OSBPL10: variants seen among roughly 807,000 people sequenced by gnomAD.
OSBPL10 encodes oxysterol-binding protein-related protein 10.
OSBPL10 carries 49 observed loss-of-function variants against 81.7 expected under a neutral mutation model. The ratio of observed to expected loss-of-function variants is 0.60; its 90% confidence interval spans 0.48 to 0.76. OSBPL10 has a LOEUF of 0.76. Ranked by LOEUF, OSBPL10 falls within the 30% of genes least tolerant of loss-of-function variation. OSBPL10 has a pLI of 0.00. For synonymous variants in OSBPL10, 419 were observed against 383.6 expected (o/e 1.09, Z -1.08); for missense variants, 923 against 987.8 (o/e 0.93, Z 0.88).
At chr3:31,683,558 C>T in intron 8 of OSBPL10, 76 bp downstream of exon 8, 8 of 1,525,118 alleles carry the variant, frequency 5.2e-6, no homozygotes, top group Non-Finnish European at 7.0e-6. Flanking sequence ...ACTCCACACA[C>T]AAAATTATCA....
chr3:32,038,199 T>A (rs948356298), intron 2 of OSBPL10, among the ~76,000 whole-genome samples: 1 of 152,072 alleles, frequency 6.6e-6, no homozygotes, highest in Non-Finnish European at 1.5e-5. Context: ...ACCTGCTGCA[T>A]ACAATACATG....
intron 3 of OSBPL10, among the ~76,000 whole-genome samples, chr3:31,864,788 G>C (rs1201779927): frequency 6.6e-6 from 1 of 152,176 alleles, no homozygotes; most frequent in African/African-American, 2.4e-5. Flanking sequence ...TAGGAAGTTT[G>C]GTGCCACTAA....
chr3:31,840,474 A>G (rs1476286615), intron 3 of OSBPL10, among the ~76,000 whole-genome samples: 1 of 152,244 alleles, frequency 6.6e-6, no homozygotes. Flanking sequence ...CAACATGCCC[A>G]AGCGGCGTGC....
rs757748683 is a variant in OSBPL10 at position 31,937,278 on chromosome 3, C to CAAAA, written c.281+43617_281+43620dup. ...AGCCTGGGCAAGAGACACTCAGGCT[C>CAAAA]AAAAAAAAAAAAAAAGAAAGAAAGT... is the stretch of plus-strand genomic sequence containing the variant. On this transcript the variant is annotated intron_variant, in intron 1 of 11. Transcript: ENST00000396556. Among the ~76,000 whole-genome samples, 168 of 89,130 alleles carry CAAAA rather than the reference C, an allele frequency of 1.9e-3. No individual in the cohort carries two copies. In the Middle Eastern group the frequency reaches 0.063, roughly 34 times the overall value. 58.5% of individuals were successfully genotyped at this position (89,130 alleles called of 152,430 possible).
At chr3:31,801,875 T>C (rs951091870) in intron 4 of OSBPL10, among the ~76,000 whole-genome samples, 3 of 151,936 alleles carry the variant, frequency 2.0e-5, no homozygotes, top group Non-Finnish European at 2.9e-5. Flanking sequence ...CAGGCTGAAG[T>C]GCAATGGCAC....
In OSBPL10 at chr3:31,813,444, TTTTG is replaced by T. The variant is rs199814835; in HGVS notation, c.729+16592_729+16595del. Among the ~76,000 whole-genome samples, 1,067 of 152,316 alleles carry T rather than the reference TTTTG, an allele frequency of 7.0e-3. 21 individuals are homozygous for T. The highest frequency in any genetic ancestry group is 0.024 in the African/African-American group (1,002 of 41,564). On this transcript the variant is annotated intron_variant, in intron 4 of 11. Transcript: ENST00000396556. ...GCTCATGCAGAGGCAGTTTTGGTTT[TTTTG>T]TTTGTTTGTTTTGTCTATAAAATGA...
intron 3 of OSBPL10, among the ~76,000 whole-genome samples, chr3:31,873,283 C>T (rs1273958539): frequency 2.0e-5 from 3 of 151,992 alleles, no homozygotes; most frequent in Non-Finnish European, 4.4e-5. Flanking sequence ...ATATTTTAAC[C>T]ATCCAAAAGC....
chr3:32,043,818 A>G (rs1262674467), intron 2 of OSBPL10, among the ~76,000 whole-genome samples: 1 of 152,248 alleles, frequency 6.6e-6, no homozygotes, highest in African/African-American at 2.4e-5. Context: ...AGGAACAGAA[A>G]ACGAAATACC....
In OSBPL10 at chr3:31,873,049, GT is replaced by G. The variant is rs548778206; in HGVS notation, c.537+3383del. Among the ~76,000 whole-genome samples, 7 of 152,282 alleles carry G rather than the reference GT, an allele frequency of 4.6e-5. No individual in the cohort carries two copies. In the East Asian group the frequency reaches 9.7e-4, roughly 21 times the overall value. ...ATCAGCAGTTGCCAGTTGCAGAGGG[GT>G]CAGCGAGGAGATTGATCATAAAGGG... On this transcript the variant is annotated intron_variant, in intron 3 of 11. Coordinates refer to ENST00000396556, the MANE Select transcript of OSBPL10 (RefSeq NM_017784.5).
intron 1 of OSBPL10, among the ~76,000 whole-genome samples, chr3:31,915,894 G>A (rs983271482): frequency 3.1e-4 from 47 of 152,084 alleles, no homozygotes; most frequent in Admixed American, 3.0e-3. Context: ...AGGAGTTCAA[G>A]ACCAGCCTGA....
At position 31,812,712 on chromosome 3, in the gene OSBPL10, CAAAAA is replaced by C. The variant is rs563030191; in HGVS notation, c.729+17323_729+17327del. Reference sequence around the variant, plus strand: ...TATGCTGGAATCTCTACACAGTAGGCAAAAAAAAAGAAAGAAAGAAAGAAAGAAAG... The same window carrying C: ...TATGCTGGAATCTCTACACAGTAGGCAAAAGAAAGAAAGAAAGAAAGAAAG... On this transcript the variant is annotated intron_variant, in intron 4 of 11. Coordinates refer to ENST00000396556, the MANE Select transcript of OSBPL10 (RefSeq NM_017784.5). Among the ~76,000 whole-genome samples, 16 of 34,216 alleles carry C rather than the reference CAAAAA, an allele frequency of 4.7e-4. 1 individual carries two copies. The highest frequency in any genetic ancestry group is 4.0e-3 in the East Asian group (7 of 1,742). The allele number at this position is 34,216 out of a possible 152,430, so 22.4% of individuals were successfully genotyped here.
chr3:31,895,298 AT>A lies in OSBPL10; in HGVS notation c.282-15469del, dbSNP rs560332393. 8.0e-4 allele frequency among the ~76,000 whole-genome samples: 116 copies of A among 144,828 alleles called. No homozygotes were observed. In the South Asian group the frequency reaches 9.0e-3, roughly 11 times the overall value. Reference sequence around the variant, plus strand: ...AGGCACCCGTCACCACGCCCGGCTAATTTTTTTTTTTGTATTTTTAGTAGAG... The same window carrying A: ...AGGCACCCGTCACCACGCCCGGCTAATTTTTTTTTTGTATTTTTAGTAGAG... On this transcript the variant is annotated intron_variant, in intron 1 of 11. Coordinates refer to ENST00000396556, the MANE Select transcript of OSBPL10 (RefSeq NM_017784.5).
chr3:31,884,866 G>A (rs920905463), intron 1 of OSBPL10, among the ~76,000 whole-genome samples: 1 of 152,040 alleles, frequency 6.6e-6, no homozygotes, highest in Admixed American at 6.5e-5. Context: ...TGTACCCAGA[G>A]AGAACATACT....
rs878924118 is a variant in OSBPL10, at chr3:31,670,659, T to C, written c.1913+138A>G. ...TGCCATGTAAGGTAGGGAAAAGGCA[T>C]CTCTTTTGGAAAAGACCTTAACAAG... On this transcript the variant is annotated intron_variant, in intron 9 of 11. Coordinates refer to ENST00000396556, the MANE Select transcript of OSBPL10 (RefSeq NM_017784.5). 3.6e-5 allele frequency: 35 copies of C among 981,196 alleles called. No homozygotes were observed. The South Asian group carries it at 6.9e-4, about 19-fold the overall frequency. 60.8% of individuals were successfully genotyped at this position (981,196 alleles called of 1,614,324 possible).
rs1422334377 is a variant in OSBPL10, at chr3:31,766,334, TTTGTTTTTTTTTG to T, written c.730-18227_730-18215del. ...TGGCCCAATGTAGTTTTTTTGTTTT[TTTGTTTTTTTTTG>T]TTTTTTTTTTGAGACACGGTCTCAC... On this transcript the variant is annotated intron_variant, in intron 4 of 11. Transcript: ENST00000396556. Among the ~76,000 whole-genome samples the T allele has an allele frequency of 5.1e-3, 90 of 17,480 alleles. 4 individuals are homozygous for T. The highest frequency in any genetic ancestry group is 8.4e-3 in the Admixed American group (10 of 1,190). 11.5% of individuals were successfully genotyped at this position (17,480 alleles called of 152,430 possible).
intron 1 of OSBPL10, among the ~76,000 whole-genome samples, chr3:31,926,694 C>G (rs939681806): frequency 1.3e-5 from 2 of 152,148 alleles, no homozygotes; most frequent in Admixed American, 6.5e-5. Context: ...GTACACAGGG[C>G]TACACAGGGT....
At chr3:31,855,402 T>A (rs1437206926) in intron 3 of OSBPL10, among the ~76,000 whole-genome samples, 1 of 152,222 alleles carries the variant, frequency 6.6e-6, no homozygotes, top group East Asian at 1.9e-4. Context: ...TTTTGAAGAA[T>A]ACAGTCCATG....
intron 1 of OSBPL10, among the ~76,000 whole-genome samples, chr3:31,905,412 C>T (rs1696380672): frequency 6.9e-6 from 1 of 145,156 alleles, no homozygotes; most frequent in Non-Finnish European, 1.5e-5. Context: ...TGTAGTGGCA[C>T]AATCTTGGCT....
chr3:32,010,936 C>T (rs1030593964), intron 2 of OSBPL10, among the ~76,000 whole-genome samples: 3 of 152,158 alleles, frequency 2.0e-5, no homozygotes, highest in African/African-American at 7.2e-5. Context: ...GTAAACAAAG[C>T]GGCCAGGAAG....
Sources: allele counts gnomAD v4.1 joint callset (sites outside exome capture counted in the v4.1 genomes callset), GRCh38; gene constraint gnomAD v4.1.1; transcripts MANE v1.5; gene names NCBI Gene and HGNC (gene_info 2026-07-23, HGNC 2026-07-21).